DPP6: variants seen among roughly 807,000 people sequenced by gnomAD.
DPP6 encodes the protein A-type potassium channel modulatory protein DPP6.
In DPP6, 69 loss-of-function variants were observed where a neutral mutation model predicts 122.6. The ratio of observed to expected loss-of-function variants is 0.56; its 90% CI spans 0.46 to 0.69. The LOEUF (loss-of-function observed/expected upper bound fraction) is 0.69, where lower values mean the gene tolerates loss of function less well. Ranked by LOEUF, DPP6 falls within the 30% of genes least tolerant of loss-of-function variation. The probability of loss-of-function intolerance (pLI) is 0.00; values close to 1 mark genes in which losing one functional copy is unlikely to be tolerated. For synonymous variants in DPP6, 418 were observed against 433.1 expected (o/e 0.97, Z 0.43); for missense variants, 928 against 1,116.9 (o/e 0.83, Z 2.41).
intron 1 of DPP6, among the ~76,000 whole-genome samples, chr7:154,439,159 T>A (rs1454202980): frequency 2.6e-5 from 4 of 152,192 alleles, no homozygotes; most frequent in Non-Finnish European, 5.9e-5. Context: ...CTGCAGGGAT[T>A]TTTGACATTG....
intron 1 of DPP6, among the ~76,000 whole-genome samples, chr7:154,401,010 G>A (rs1022915619): frequency 1.3e-5 from 2 of 152,058 alleles, no homozygotes; most frequent in Middle Eastern, 6.3e-3. Context: ...AGACCAGCCT[G>A]GCCAACATGG....
At chr7:154,427,062 C>T (rs564149926) in intron 1 of DPP6, among the ~76,000 whole-genome samples, 35 of 152,108 alleles carry the variant, frequency 2.3e-4, no homozygotes, top group African/African-American at 6.3e-4. Flanking sequence ...TCTATGCACA[C>T]AGAAATAGCT....
the DPP6 span, among the ~76,000 whole-genome samples, chr7:153,854,330 C>T: frequency 3.3e-5 from 5 of 152,036 alleles, no homozygotes; most frequent in African/African-American, 9.7e-5. Flanking sequence ...GTGATCGCAA[C>T]CTACTCATCT....
At chr7:154,767,414 C>T (rs921957015) in intron 8 of DPP6, among the ~76,000 whole-genome samples, 7 of 152,202 alleles carry the variant, frequency 4.6e-5, no homozygotes, top group African/African-American at 7.2e-5. Flanking sequence ...CCATTCCAAG[C>T]GAGCAGCCTG....
intron 5 of DPP6, among the ~76,000 whole-genome samples, chr7:154,575,619 G>GT (rs1831604490): frequency 9.3e-6 from 1 of 107,338 alleles, no homozygotes. Flanking sequence ...GTATGTGTGT[G>GT]TGGTGTGTGT....
At chr7:154,506,785 C>G (rs1225540848) in intron 3 of DPP6, among the ~76,000 whole-genome samples, 1 of 152,164 alleles carries the variant, frequency 6.6e-6, no homozygotes, top group East Asian at 1.9e-4. Context: ...GTGCTTCTCT[C>G]CCCACCTTTT....
chr7:154,580,836 C>A (rs10265302), intron 5 of DPP6, among the ~76,000 whole-genome samples: 146,809 of 152,234 alleles, frequency 0.96, 70,851 homozygotes, highest in Non-Finnish European at 0.98. Flanking sequence ...CGAGCATCAG[C>A]GAGGAGCTGA....
the DPP6 span, among the ~76,000 whole-genome samples, chr7:153,861,728 A>T: frequency 6.6e-6 from 1 of 152,218 alleles, no homozygotes; most frequent in African/African-American, 2.4e-5. Flanking sequence ...CAGCACCAAG[A>T]TAAAGAGATG....
intron 1 of DPP6, among the ~76,000 whole-genome samples, chr7:154,372,185 A>G (rs1812733138): frequency 6.6e-6 from 1 of 152,154 alleles, no homozygotes; most frequent in South Asian, 2.1e-4. Flanking sequence ...TTCTCCAGGC[A>G]GAAATGGTTT....
chr7:153,888,313 G>A (rs915681654), intron 1 of DPP6, among the ~76,000 whole-genome samples: 1 of 152,224 alleles, frequency 6.6e-6, no homozygotes, highest in Non-Finnish European at 1.5e-5. Context: ...TGACTGTGCC[G>A]GAGGAGGTCA....
intron 1 of DPP6, among the ~76,000 whole-genome samples, chr7:154,339,417 G>T (rs1363049039): frequency 6.6e-6 from 1 of 152,188 alleles, no homozygotes. Flanking sequence ...AGGCTTTACG[G>T]TCCTCTCAGC....
chr7:153,877,541 A>G, the DPP6 span, among the ~76,000 whole-genome samples: 2 of 152,190 alleles, frequency 1.3e-5, no homozygotes, highest in African/African-American at 4.8e-5. Context: ...GTCACTAGGA[A>G]CAGGAATTTT....
intron 3 of DPP6, among the ~76,000 whole-genome samples, chr7:154,492,583 G>A (rs1267432958): frequency 6.6e-6 from 1 of 152,172 alleles, no homozygotes; most frequent in African/African-American, 2.4e-5. Flanking sequence ...CGCACCGGGT[G>A]TTATGAGTAC....
intron 5 of DPP6, among the ~76,000 whole-genome samples, chr7:154,608,031 G>A (rs1833661589): frequency 8.4e-6 from 1 of 119,166 alleles, no homozygotes. Flanking sequence ...CCAGGCTGGA[G>A]TGCAGTGGCA....
At chr7:154,218,872 T>C (rs1232064126) in intron 1 of DPP6, among the ~76,000 whole-genome samples, 2 of 152,182 alleles carry the variant, frequency 1.3e-5, no homozygotes, top group Non-Finnish European at 2.9e-5. Flanking sequence ...TCCCAGAAGA[T>C]GAGCCAAAAT....
At chr7:154,157,162 G>A (rs1206242588) in intron 1 of DPP6, among the ~76,000 whole-genome samples, 1 of 152,242 alleles carries the variant, frequency 6.6e-6, no homozygotes, top group Non-Finnish European at 1.5e-5. Context: ...GATACTGAAG[G>A]GCACACATGT....
chr7:153,983,560 C>T lies in DPP6; in HGVS notation c.51+95826C>T, dbSNP rs1334771872. On this transcript the variant is annotated intron_variant, in intron 1 of 25. Coordinates refer to the DPP6 transcript ENST00000404039. Reference sequence around the variant, plus strand: ...CTCCTTTCCAGGTGAGTGAACAGTTCTGTCTCACTGGTGTTCCAGGAAGCA... The same window carrying T: ...CTCCTTTCCAGGTGAGTGAACAGTTTTGTCTCACTGGTGTTCCAGGAAGCA... Among the ~76,000 whole-genome samples, 5 of 152,082 alleles carry T rather than the reference C, an allele frequency of 3.3e-5. No homozygotes were observed. The East Asian group carries it at 9.7e-4, about 29-fold the overall frequency.
At chr7:154,470,981 T>C (rs1425254130) in intron 2 of DPP6, among the ~76,000 whole-genome samples, 1 of 152,186 alleles carries the variant, frequency 6.6e-6, no homozygotes, top group Non-Finnish European at 1.5e-5. Context: ...CCGGGCATGG[T>C]AGCTCACACC....
At chr7:154,635,902 G>T (rs949460526) in intron 5 of DPP6, among the ~76,000 whole-genome samples, 2 of 152,132 alleles carry the variant, frequency 1.3e-5, no homozygotes, top group African/African-American at 4.8e-5. Context: ...AGGAAGCCAC[G>T]ATACCTCTTA....
Sources: gnomAD v4.1 joint callset for allele counts (sites outside exome capture counted in the v4.1 genomes callset) on GRCh38, gnomAD v4.1.1 for gene constraint, MANE v1.5 for transcripts, NCBI Gene and HGNC (gene_info 2026-07-23, HGNC 2026-07-21) for gene names.